The following FAM168B variants were observed in gnomAD, a reference collection of about 807,000 sequenced individuals.
The protein encoded by FAM168B is myelin-associated neurite-outgrowth inhibitor.
In FAM168B, 19 loss-of-function variants were observed where a neutral mutation model predicts 21.8. The observed-to-expected ratio is 0.87, with a 90% CI of 0.61 to 1.28. The LOEUF (loss-of-function observed/expected upper bound fraction) is 1.28. Among genes scored for constraint, FAM168B ranks in the 50% most tolerant of loss-of-function variants. The probability of loss-of-function intolerance (pLI) is 0.00; values close to 1 mark genes in which losing one functional copy is unlikely to be tolerated. For synonymous variants in FAM168B, 126 were observed against 104.8 expected (o/e 1.20, Z -1.24); for missense variants, 233 against 263.1 (o/e 0.89, Z 0.79).
At chr2:131,057,784 A>T (rs962015629) in intron 3 of FAM168B, among the ~76,000 whole-genome samples, 2 of 152,076 alleles carry the variant, frequency 1.3e-5, no homozygotes, top group Non-Finnish European at 2.9e-5. Flanking sequence ...TTTTTAAAAA[A>T]TTTTACACAA....
intron 3 of FAM168B, among the ~76,000 whole-genome samples, chr2:131,057,940 C>T (rs1013411009): frequency 5.9e-5 from 9 of 152,204 alleles, no homozygotes; most frequent in African/African-American, 1.9e-4. Context: ...AAGCAATTCT[C>T]ATGCCCCAGC....
intron 5 of FAM168B, among the ~76,000 whole-genome samples, chr2:131,054,489 T>C (rs1691888862): frequency 6.6e-6 from 1 of 152,008 alleles, no homozygotes; most frequent in South Asian, 2.1e-4. Context: ...CAAATCAGAG[T>C]CTACATTGAA....
At chr2:131,086,417 G>A (rs556516896) in intron 1 of FAM168B, among the ~76,000 whole-genome samples, 10 of 152,118 alleles carry the variant, frequency 6.6e-5, no homozygotes, top group Non-Finnish European at 1.3e-4. Context: ...ATGGAAACGA[G>A]CCCTGGCAAT....
chr2:131,076,352 G>A (rs1433318730), intron 2 of FAM168B, among the ~76,000 whole-genome samples: 2 of 152,076 alleles, frequency 1.3e-5, no homozygotes, highest in Non-Finnish European at 2.9e-5. Context: ...TCCCAAACCT[G>A]AATCATTTCT....
chr2:131,051,302 TA>T lies in FAM168B; in HGVS notation c.*1162del. On this transcript the variant is annotated 3_prime_UTR_variant, in exon 7 of 7. Coordinates refer to ENST00000389915, the MANE Select transcript of FAM168B (RefSeq NM_001009993.4). The stretch of plus-strand genomic sequence containing the variant: ...CTACAGGTTTCTACATTTCCAGACA[TA>T]TCCACGGCCCTGCCTTTCTACAAGA... 2.0e-6 allele frequency: 2 copies of T among 985,284 alleles called. No homozygotes were observed. The highest frequency in any genetic ancestry group is 2.4e-6 in the Non-Finnish European group (2 of 829,914). 61.0% of individuals were successfully genotyped at this position (985,284 alleles called of 1,614,324 possible). A position where few individuals can be genotyped will look rare whatever the true frequency, so the allele number is the denominator to read the frequency against.
At position 131,049,054 on chromosome 2, in the gene FAM168B, A is replaced by G; in HGVS notation, c.*3411T>C. 2.0e-6 allele frequency: 2 copies of G among 985,436 alleles called. No homozygotes were observed. The highest frequency in any genetic ancestry group is 1.1e-4 in the East Asian group (1 of 8,818). 61.0% of individuals were successfully genotyped at this position (985,436 alleles called of 1,614,324 possible). Reference sequence around the variant, plus strand: ...ACACCAATACTTACATAACTAGTACATGTTGGCCTTTCACCAGCACTCACT... The same window carrying G: ...ACACCAATACTTACATAACTAGTACGTGTTGGCCTTTCACCAGCACTCACT... On this transcript the variant is annotated 3_prime_UTR_variant, in exon 7 of 7. Coordinates refer to ENST00000389915, the MANE Select transcript of FAM168B (RefSeq NM_001009993.4).
intron 1 of FAM168B, among the ~76,000 whole-genome samples, chr2:131,090,809 A>G (rs1220298718): frequency 6.6e-6 from 1 of 152,110 alleles, no homozygotes; most frequent in East Asian, 1.9e-4. Flanking sequence ...GCTCACTGCA[A>G]GCTCCACCTC....
intron 3 of FAM168B, among the ~76,000 whole-genome samples, chr2:131,063,644 G>A (rs1458038889): frequency 6.6e-6 from 1 of 152,054 alleles, no homozygotes; most frequent in East Asian, 1.9e-4. Flanking sequence ...GGCATGGTGG[G>A]GTGTACCTGT....
At chr2:131,092,471 A>C (rs961770958) in intron 1 of FAM168B, among the ~76,000 whole-genome samples, 1 of 152,240 alleles carries the variant, frequency 6.6e-6, no homozygotes, top group Non-Finnish European at 1.5e-5. Context: ...ATCTCAAATT[A>C]CACAAGGATG....
intron 3 of FAM168B, among the ~76,000 whole-genome samples, chr2:131,067,964 C>T (rs1316552945): frequency 1.3e-5 from 2 of 152,066 alleles, no homozygotes; most frequent in Non-Finnish European, 2.9e-5. Flanking sequence ...TGGGAAAATC[C>T]CTTGAACTCA....
chr2:131,057,511 C>G (rs2105469669), intron 3 of FAM168B, among the ~76,000 whole-genome samples: 2 of 152,258 alleles, frequency 1.3e-5, no homozygotes, highest in South Asian at 4.1e-4. Flanking sequence ...CTGGGATGAT[C>G]AAAGTATTCC....
In FAM168B at chr2:131,052,186, A is replaced by G. The variant is rs1201848329; in HGVS notation, c.*279T>C. ...TTTTTTTAAACATGCATTCAACTAGATATGATTCAGAATAGATTAATACTC... is the reference window on the plus strand; with the variant it reads ...TTTTTTTAAACATGCATTCAACTAGGTATGATTCAGAATAGATTAATACTC... On this transcript the variant is annotated 3_prime_UTR_variant, in exon 7 of 7. Transcript: ENST00000389915. The G allele has an allele frequency of 2.0e-6, 2 of 985,604 alleles. No homozygotes were observed. Among genetic ancestry groups the G allele is most frequent in the Admixed American group, 6.2e-5 (1 of 16,254 alleles). 61.1% of individuals were successfully genotyped at this position (985,604 alleles called of 1,614,324 possible). A position where few individuals can be genotyped will look rare whatever the true frequency, so the allele number is the denominator to read the frequency against.
Position 131,081,511 on chromosome 2 carries a change from T to G in FAM168B, c.70+1066A>C, listed in dbSNP as rs1394818027. 2.6e-5 allele frequency among the ~76,000 whole-genome samples: 4 copies of G among 152,174 alleles called. No homozygotes were observed. The East Asian group carries it at 7.7e-4, about 29-fold the overall frequency. ...AATACAAGCTAGAGCCCCAAACATC[T>G]CTGAATGCTTACAAAGTCTTAGTAA... On this transcript the variant is annotated intron_variant, in intron 2 of 6. Transcript: ENST00000389915.
At chr2:131,085,632 C>T (rs984286481) in intron 1 of FAM168B, among the ~76,000 whole-genome samples, 1 of 152,208 alleles carries the variant, frequency 6.6e-6, no homozygotes, top group Non-Finnish European at 1.5e-5. Context: ...CATCCTTAGC[C>T]TCTGTAACAG....
chr2:131,054,236 T>TAA (rs879882436), intron 5 of FAM168B, among the ~76,000 whole-genome samples: 2 of 136,556 alleles, frequency 1.5e-5, no homozygotes, highest in African/African-American at 5.3e-5. Flanking sequence ...ATTTTAAAAT[T>TAA]AAAAAAAAAA....
chr2:131,081,472 C>A (rs1014692338), intron 2 of FAM168B, among the ~76,000 whole-genome samples: 6 of 152,164 alleles, frequency 3.9e-5, no homozygotes, highest in African/African-American at 1.4e-4. Flanking sequence ...AACTTCTGAA[C>A]CCCTGGGGAG....
At chr2:131,057,129 C>G (rs1365436224) in intron 3 of FAM168B, among the ~76,000 whole-genome samples, 1 of 152,316 alleles carries the variant, frequency 6.6e-6, no homozygotes, top group Non-Finnish European at 1.5e-5. Context: ...CCGTGTCAGA[C>G]AGTGCAACTT....
At chr2:131,070,137 G>A (rs966865045) in intron 3 of FAM168B, among the ~76,000 whole-genome samples, 3 of 152,084 alleles carry the variant, frequency 2.0e-5, no homozygotes, top group Non-Finnish European at 2.9e-5. Context: ...GATTACAGAC[G>A]TGAGCCACCG....
chr2:131,087,244 G>A lies in FAM168B; in HGVS notation c.-11-4587C>T, dbSNP rs553533354. ...AGTACTTTTGGAGGCCAAGGTGGGA[G>A]GATCACTTGAGGTCAGGAGTTGGAG... On this transcript the variant is annotated intron_variant, in intron 1 of 6. Coordinates refer to ENST00000389915, the MANE Select transcript of FAM168B (RefSeq NM_001009993.4). 2.6e-5 allele frequency among the ~76,000 whole-genome samples: 4 copies of A among 152,096 alleles called. No homozygotes were observed. In the East Asian group the frequency reaches 7.7e-4, roughly 29 times the overall value.
Sources: gnomAD v4.1 joint callset for allele counts (sites outside exome capture counted in the v4.1 genomes callset) on GRCh38, gnomAD v4.1.1 for gene constraint, MANE v1.5 for transcripts, NCBI Gene and HGNC (gene_info 2026-07-23, HGNC 2026-07-21) for gene names.